Variants in ZNF383 observed in about 807,000 individuals in gnomAD.
The protein encoded by ZNF383 is zinc finger protein 383.
Under a neutral mutation model 44.2 loss-of-function variants are expected in ZNF383, and 32 were observed. The ratio of observed to expected loss-of-function variants is 0.72; its 90% CI spans 0.55 to 0.97. The LOEUF (loss-of-function observed/expected upper bound fraction) is 0.97. Ranked by LOEUF, ZNF383 falls within the 50% of genes least tolerant of loss-of-function variation. The probability of loss-of-function intolerance (pLI) is 0.00; values close to 1 mark genes in which losing one functional copy is unlikely to be tolerated. For synonymous variants in ZNF383, 155 were observed against 186.2 expected, an observed-to-expected ratio of 0.83 and a Z score of 1.36; for missense variants, 487 against 562.5, an observed-to-expected ratio of 0.87 and a Z score of 1.36.
chr19:37,237,417 G>A (rs1213385419), intron 5 of ZNF383, among the ~76,000 whole-genome samples: 2 of 152,094 alleles, frequency 1.3e-5, no homozygotes, highest in Non-Finnish European at 2.9e-5. Flanking sequence ...GGAAGAGGTG[G>A]CAGAGCAGGA....
intron 1 of ZNF383, among the ~76,000 whole-genome samples, chr19:37,218,794 G>A (rs752208577): frequency 6.6e-6 from 1 of 152,134 alleles, no homozygotes; most frequent in Non-Finnish European, 1.5e-5. Context: ...CGGTTGGAAA[G>A]TGCGTGTAAT....
chr19:37,232,149 C>T (rs1175507673), intron 3 of ZNF383, among the ~76,000 whole-genome samples: 2 of 151,318 alleles, frequency 1.3e-5, no homozygotes, highest in Non-Finnish European at 1.5e-5. Flanking sequence ...GATCTCGGCT[C>T]ACTGCAACCT....
Position 37,243,583 on chromosome 19 carries a change from C to G in ZNF383, c.1347C>G (p.Pro449=). 2 of 1,613,082 alleles carry G rather than the reference C, an allele frequency of 1.2e-6. No individual in the cohort carries two copies. Among genetic ancestry groups the G allele is most frequent in the East Asian group, 4.5e-5 (2 of 44,854 alleles). Residue 449 remains proline (P), a synonymous_variant, in exon 6 of 6, where the codon CCC becomes CCG. Transcript: ENST00000684119. The part of the protein sequence containing the change: ...RHLRIHTGEK[P]YNCKECGKAF... ...TGAGAATTCACACTGGTGAAAAGCC[C>G]TATAACTGTAAGGAATGTGGGAAGG... is the stretch of plus-strand genomic sequence containing the variant.
rs772621217 is a variant in ZNF383 at position 37,242,736 on chromosome 19, A to G, written c.500A>G (p.Asp167Gly). 6.2e-7 allele frequency: 1 copy of G among 1,614,158 alleles called. No individual in the cohort carries two copies. Among genetic ancestry groups the G allele is most frequent in the East Asian group, 2.2e-5 (1 of 44,878 alleles). The change falls in exon 6 of 6, where the codon GAC becomes GGC. Residue 167 changes from aspartate (D) to glycine (G), a missense_variant. By Grantham distance (94) the Asp-to-Gly change is moderately conservative (BLOSUM62 -1). Transcript: ENST00000684119. ...CTCCATCAAATAATTAATAATGAAG[A>G]CAGACCCTATGAATGTAAGAAATGT... Reference protein sequence around the residue: ...LTLHQIINNEDRPYECKKCGK... With the variant: ...LTLHQIINNEGRPYECKKCGK...
At chr19:37,226,838 G>A (rs908640109) in intron 2 of ZNF383, among the ~76,000 whole-genome samples, 1 of 151,816 alleles carries the variant, frequency 6.6e-6, no homozygotes, top group African/African-American at 2.4e-5. Flanking sequence ...TTCTTTTTTT[G>A]AGATGTAGTC....
intron 1 of ZNF383, among the ~76,000 whole-genome samples, chr19:37,223,861 A>G (rs1973036956): frequency 6.6e-6 from 1 of 151,866 alleles, no homozygotes; most frequent in Non-Finnish European, 1.5e-5. Flanking sequence ...GTGAAACCCC[A>G]TCTCTACTAA....
chr19:37,229,803 T>TATATATA (rs1555782563), intron 2 of ZNF383, among the ~76,000 whole-genome samples: 4 of 73,682 alleles, frequency 5.4e-5, no homozygotes, highest in African/African-American at 1.9e-4. Context: ...TATATATATA[T>TATATATA]TTTTTTTTTT....
chr19:37,221,969 A>AG (rs1207993537), intron 1 of ZNF383, among the ~76,000 whole-genome samples: 50 of 148,902 alleles, frequency 3.4e-4, no homozygotes, highest in African/African-American at 1.2e-3. Flanking sequence ...AAAAAAAAAA[A>AG]AAAAGAAAAA....
At chr19:37,225,701 A>G (rs192205011) in intron 2 of ZNF383, among the ~76,000 whole-genome samples, 50 of 152,234 alleles carry the variant, frequency 3.3e-4, no homozygotes, top group Non-Finnish European at 6.5e-4. Flanking sequence ...CACAAACCCA[A>G]GTAGTAACGG....
rs754701892 is a variant in ZNF383, at chr19:37,242,490, C to A, written c.254C>A (p.Thr85Asn). Residue 85 changes from threonine to asparagine, a missense_variant, in exon 6 of 6, where the codon ACC becomes AAC. By Grantham distance (65) the Thr-to-Asn change is moderately conservative. Coordinates refer to ENST00000684119, the MANE Select transcript of ZNF383 (RefSeq NM_001387601.1). Reference sequence around the variant, plus strand: ...TCAGATCTGGAATCGATGTGTGAAACCAAGTTATTATCTCTAAAGAAGGAA... The same window carrying A: ...TCAGATCTGGAATCGATGTGTGAAAACAAGTTATTATCTCTAAAGAAGGAA... ...LCSDLESMCETKLLSLKKEVY... is the reference protein window; with the variant it reads ...LCSDLESMCENKLLSLKKEVY... The A allele has an allele frequency of 1.9e-6, 3 of 1,594,016 alleles. No homozygotes were observed. In the East Asian group the frequency reaches 6.7e-5, roughly 36 times the overall value.
chr19:37,229,614 ATG>A (rs544243696), intron 2 of ZNF383, among the ~76,000 whole-genome samples: 48 of 128,808 alleles, frequency 3.7e-4, no homozygotes, highest in Admixed American at 8.8e-4. Flanking sequence ...ATATATATAT[ATG>A]TGTGTGTGTG....
intron 2 of ZNF383, among the ~76,000 whole-genome samples, chr19:37,229,052 A>G (rs1336011274): frequency 2.6e-5 from 4 of 151,884 alleles, no homozygotes; most frequent in Non-Finnish European, 5.9e-5. Flanking sequence ...TTAGTTGGCT[A>G]ATGGGATCCC....
intron 5 of ZNF383, among the ~76,000 whole-genome samples, chr19:37,239,629 T>C (rs576250771): frequency 2.0e-4 from 30 of 152,258 alleles, no homozygotes; most frequent in Admixed American, 1.7e-3. Context: ...AGCCACAGCA[T>C]TCAGCCTTTG....
At chr19:37,242,429 A>C (rs1974160857) in intron 5 of ZNF383, 40 bp from the exon 6 acceptor site, 5 of 1,379,434 alleles carry the variant, frequency 3.6e-6, no homozygotes, top group Non-Finnish European at 5.0e-6. Flanking sequence ...ATTTTTCACA[A>C]ATAGGAAAAA....
At chr19:37,225,364 G>A (rs1043119053) in intron 2 of ZNF383, among the ~76,000 whole-genome samples, 4 of 152,216 alleles carry the variant, frequency 2.6e-5, no homozygotes, top group African/African-American at 7.2e-5. Flanking sequence ...AAAGTGCTGG[G>A]ATTACAGGTG....
chr19:37,233,369 G>A (rs1452243255), intron 3 of ZNF383, among the ~76,000 whole-genome samples: 1 of 151,640 alleles, frequency 6.6e-6, no homozygotes, highest in Non-Finnish European at 1.5e-5. Context: ...CTGACCTCAT[G>A]ATCTGCCTGC....
At chr19:37,236,879 T>A (rs1488537707) in intron 5 of ZNF383, among the ~76,000 whole-genome samples, 1 of 151,946 alleles carries the variant, frequency 6.6e-6, no homozygotes, top group Non-Finnish European at 1.5e-5. Context: ...CTCTTCTGCA[T>A]TTTTTAGACT....
At position 37,243,975 on chromosome 19, in the gene ZNF383, C is replaced by T. The variant is rs1298552048; in HGVS notation, c.*311C>T. On this transcript the variant is annotated 3_prime_UTR_variant, in exon 6 of 6. Coordinates refer to ENST00000684119, the MANE Select transcript of ZNF383 (RefSeq NM_001387601.1). ...TCTGATCTGTGTATTTGTGTTTGCA[C>T]CAGTATCACACTGTTTGAATTGTGT... The T allele has an allele frequency of 4.4e-6, 1 of 228,750 alleles. No individual in the cohort carries two copies. The highest frequency in any genetic ancestry group is 8.5e-6 in the Non-Finnish European group (1 of 116,970). 14.2% of individuals were successfully genotyped at this position (228,750 alleles called of 1,614,324 possible). A position where few individuals can be genotyped will look rare whatever the true frequency, so the allele number is the denominator to read the frequency against.
At chr19:37,229,614 A>ATG (rs544243696) in intron 2 of ZNF383, among the ~76,000 whole-genome samples, 16,892 of 128,630 alleles carry the variant, frequency 0.13, 1,145 homozygotes, top group African/African-American at 0.18. Context: ...ATATATATAT[A>ATG]TGTGTGTGTG....
Sources: gnomAD v4.1 joint callset for allele counts (sites outside exome capture counted in the v4.1 genomes callset) on GRCh38, gnomAD v4.1.1 for gene constraint, MANE v1.5 for transcripts, NCBI Gene and HGNC (gene_info 2026-07-23, HGNC 2026-07-21) for gene names.